Variants in FAM162A observed in about 807,000 individuals in gnomAD.
FAM162A encodes the protein protein FAM162A.
Under a neutral mutation model 21.8 loss-of-function variants are expected in FAM162A, and 23 were observed. That is an observed-to-expected ratio of 1.05 (90% CI 0.76 to 1.49). The LOEUF is 1.49. FAM162A is among the 40% of genes most tolerant of loss of function. FAM162A has a pLI of 0.00. For synonymous variants in FAM162A, 53 were observed against 61.3 expected, an observed-to-expected ratio of 0.86 and a Z score of 0.64; for missense variants, 165 against 186.4, an observed-to-expected ratio of 0.89 and a Z score of 0.67.
Position 122,409,816 on chromosome 3 carries a change from G to C in FAM162A, c.450G>C (p.Lys150Asn), listed in dbSNP as rs755125479. The change falls in exon 5 of 5, where the codon AAG (lysine) becomes AAC (asparagine). Residue 150 changes from lysine to asparagine, a missense_variant. Physicochemically the swap from Lys to Asn is moderately conservative, Grantham distance 94 (BLOSUM62 0). Coordinates refer to ENST00000477892, the MANE Select transcript of FAM162A (RefSeq NM_014367.4). ...GTCTGAAAGAGGAAGCAGCTATGAA[G>C]GCCAAAACAGAGTAGCAGAGGTATC... is the stretch of plus-strand genomic sequence containing the variant. ...KARLKEEAAM[K>N]AKTE 1 of 1,613,962 alleles carries C rather than the reference G, an allele frequency of 6.2e-7. No homozygotes were observed. The highest frequency in any genetic ancestry group is 1.1e-5 in the South Asian group (1 of 91,078).
At position 122,384,229 on chromosome 3, in the gene FAM162A, C is replaced by A; in HGVS notation, c.-37C>A. The A allele has an allele frequency of 6.4e-7, 1 of 1,558,956 alleles. No individual in the cohort carries two copies. Among genetic ancestry groups the A allele is most frequent in the Non-Finnish European group, 8.7e-7 (1 of 1,151,816 alleles). On this transcript the variant is annotated 5_prime_UTR_variant, in exon 1 of 5. Coordinates refer to ENST00000477892, the MANE Select transcript of FAM162A (RefSeq NM_014367.4). ...AGCTCACCAGCGCCACCGTCCCCGG[C>A]GAAGTTCTGCGCTGGTCGGCGGAGT...
chr3:122,388,885 T>TA (rs1220550596), intron 1 of FAM162A, among the ~76,000 whole-genome samples: 3 of 152,000 alleles, frequency 2.0e-5, no homozygotes, highest in Non-Finnish European at 4.4e-5. Flanking sequence ...CTGTCTCTAC[T>TA]AAAAACACAA....
Position 122,409,959 on chromosome 3 carries a change from G to T in FAM162A, c.*128G>T, listed in dbSNP as rs1000434523. 1.3e-6 allele frequency: 1 copy of T among 792,954 alleles called. No homozygotes were observed. Among genetic ancestry groups the T allele is most frequent in the Non-Finnish European group, 2.2e-6 (1 of 455,966 alleles). 49.1% of individuals were successfully genotyped at this position (792,954 alleles called of 1,614,324 possible). On this transcript the variant is annotated 3_prime_UTR_variant, in exon 5 of 5. Transcript: ENST00000477892. ...ATTTGCCCAAACCTGTACCATTTCC[G>T]TATTTCTGCTGTAGAAGTAGAAATA...
intron 1 of FAM162A, among the ~76,000 whole-genome samples, chr3:122,391,481 T>C (rs1242344163): frequency 6.6e-6 from 1 of 152,274 alleles, no homozygotes; most frequent in Non-Finnish European, 1.5e-5. Flanking sequence ...TTCTAATATC[T>C]ATAATAAGAT....
intron 1 of FAM162A, chr3:122,401,483 T>C (rs2075653430): frequency 1.6e-6 from 2 of 1,249,738 alleles, no homozygotes; most frequent in South Asian, 2.8e-5. Flanking sequence ...GGGGGCTATC[T>C]CTTCGCAAAG....
intron 4 of FAM162A, chr3:122,407,599 G>A (rs2107701579): frequency 2.0e-6 from 1 of 504,328 alleles, no homozygotes; most frequent in South Asian, 3.7e-5. Context: ...CTTTGGCGTG[G>A]TGAAGAAGGA....
At chr3:122,387,170 GT>G (rs1188094987) in intron 1 of FAM162A, among the ~76,000 whole-genome samples, 1 of 152,156 alleles carries the variant, frequency 6.6e-6, no homozygotes, top group Non-Finnish European at 1.5e-5. Flanking sequence ...TTTCACACCT[GT>G]TTTCTCCTGA....
At chr3:122,403,954 A>T (rs1270332801) in intron 2 of FAM162A, among the ~76,000 whole-genome samples, 1 of 152,168 alleles carries the variant, frequency 6.6e-6, no homozygotes, top group Admixed American at 6.5e-5. Context: ...AGTAGTTCCC[A>T]ATCAAGTCTA....
At chr3:122,402,221 A>G (rs1246196865) in intron 1 of FAM162A, among the ~76,000 whole-genome samples, 1 of 151,224 alleles carries the variant, frequency 6.6e-6, no homozygotes, top group East Asian at 1.9e-4. Flanking sequence ...TTTAAAATAA[A>G]CTATATATAT....
chr3:122,390,091 C>T (rs1411944662), intron 1 of FAM162A, among the ~76,000 whole-genome samples: 1 of 151,972 alleles, frequency 6.6e-6, no homozygotes. Flanking sequence ...GCTATGATCT[C>T]TCCACTGCCC....
intron 2 of FAM162A, among the ~76,000 whole-genome samples, chr3:122,403,540 A>G (rs1316030223): frequency 6.6e-6 from 1 of 152,146 alleles, no homozygotes; most frequent in South Asian, 2.1e-4. Context: ...TTTTATCTCT[A>G]TTCCCGACTT....
At position 122,411,205 on chromosome 3, in the gene FAM162A, TC is replaced by T. The variant is rs2075703647; in HGVS notation, c.*1375del. 6.6e-6 allele frequency: 1 copy of T among 152,214 alleles called. No individual in the cohort carries two copies. Among genetic ancestry groups the T allele is most frequent in the Non-Finnish European group, 1.5e-5 (1 of 68,038 alleles). 9.4% of individuals were successfully genotyped at this position (152,214 alleles called of 1,614,324 possible). ...AATACATGCAGCTGTTTGGGCACTT[TC>T]TTCCCAAATAAAATACCCAGTAAAA... On this transcript the variant is annotated 3_prime_UTR_variant, in exon 5 of 5. Coordinates refer to ENST00000477892, the MANE Select transcript of FAM162A (RefSeq NM_014367.4).
intron 1 of FAM162A, 72 bp from the exon 2 acceptor site, chr3:122,402,688 G>A: frequency 7.3e-7 from 1 of 1,377,090 alleles, no homozygotes. Flanking sequence ...TAACTTGCGG[G>A]TATTTCTTAT....
chr3:122,401,481 T>C, intron 1 of FAM162A: 1 of 1,247,522 alleles, frequency 8.0e-7, no homozygotes, highest in Non-Finnish European at 1.0e-6. Flanking sequence ...AAGGGGGCTA[T>C]CTCTTCGCAA....
intron 3 of FAM162A, 92 bp downstream of exon 3, chr3:122,404,455 T>C: frequency 1.7e-6 from 1 of 584,824 alleles, no homozygotes; most frequent in Non-Finnish European, 3.0e-6. Context: ...TTTAAAACTT[T>C]TCAACCAAAT....
chr3:122,393,710 G>C (rs7635930), intron 1 of FAM162A, among the ~76,000 whole-genome samples: 33,408 of 152,112 alleles, frequency 0.22, 4,205 homozygotes, highest in Non-Finnish European at 0.27. Context: ...GACATAACAT[G>C]GAGTGGGTAA....
At chr3:122,403,386 A>C (rs1044618831) in intron 2 of FAM162A, among the ~76,000 whole-genome samples, 1 of 152,204 alleles carries the variant, frequency 6.6e-6, no homozygotes, top group African/African-American at 2.4e-5. Context: ...CTGTAGGAGA[A>C]TGGATGCACC....
chr3:122,406,769 T>G (rs1206533234), intron 3 of FAM162A, among the ~76,000 whole-genome samples: 1 of 152,256 alleles, frequency 6.6e-6, no homozygotes. Flanking sequence ...TTGGTTAACT[T>G]TCTCCAATGT....
chr3:122,384,564 C>A (rs1000111323), intron 1 of FAM162A, among the ~76,000 whole-genome samples: 1 of 152,104 alleles, frequency 6.6e-6, no homozygotes, highest in Non-Finnish European at 1.5e-5. Flanking sequence ...TACCCTTCTC[C>A]CCACCCCCGT....
Sources: allele counts gnomAD v4.1 joint callset (sites outside exome capture counted in the v4.1 genomes callset), GRCh38; gene constraint gnomAD v4.1.1; transcripts MANE v1.5; gene names NCBI Gene and HGNC (gene_info 2026-07-23, HGNC 2026-07-21).